Variants in OPHN1 observed in about 807,000 individuals in gnomAD.
The protein encoded by OPHN1 is oligophrenin-1.
Under a neutral mutation model 60.7 loss-of-function variants are expected in OPHN1, and 11 were observed. The ratio of observed to expected loss-of-function variants is 0.18; its 90% CI spans 0.11 to 0.30. OPHN1 has a LOEUF of 0.30. OPHN1 is among the 10% of genes least tolerant of loss of function. The pLI is 1.00. For synonymous variants in OPHN1, 226 were observed against 222.6 expected, an observed-to-expected ratio of 1.02 and a Z score of -0.14; for missense variants, 449 against 611.0, an observed-to-expected ratio of 0.73 and a Z score of 2.80.
At chrX:68,315,561 C>T (rs5965543) in intron 2 of OPHN1, among the ~76,000 whole-genome samples, 9,061 of 111,302 alleles carry the variant, frequency 0.081, 923 homozygotes, top group African/African-American at 0.28. Flanking sequence ...GTTCTAGCCA[C>T]AGCAATTTAA....
chrX:68,399,827 T>C (rs1180809388), intron 2 of OPHN1, among the ~76,000 whole-genome samples: 2 of 53,685 alleles, frequency 3.7e-5, no homozygotes, highest in Admixed American at 2.2e-4. Context: ...TTTTTTTTCT[T>C]TCTTTTTTTT....
intron 2 of OPHN1, among the ~76,000 whole-genome samples, chrX:68,400,916 T>C (rs1450298663): frequency 1.8e-5 from 2 of 111,548 alleles, no homozygotes; most frequent in Admixed American, 9.6e-5. Flanking sequence ...ATGTCTTTTG[T>C]TGTTGTTATT....
intron 6 of OPHN1, among the ~76,000 whole-genome samples, chrX:68,217,778 T>C (rs967327836): frequency 9.3e-6 from 1 of 107,363 alleles, no homozygotes; most frequent in Non-Finnish European, 1.9e-5. Flanking sequence ...AACCCATCTG[T>C]ACATCACCAT....
intron 2 of OPHN1, among the ~76,000 whole-genome samples, chrX:68,357,530 G>A (rs1275117519): frequency 9.2e-6 from 1 of 108,580 alleles, no homozygotes; most frequent in Non-Finnish European, 1.9e-5. Context: ...GCGATAGTTT[G>A]CTGAGAATGA....
chrX:68,278,915 A>T (rs182736568), intron 4 of OPHN1, among the ~76,000 whole-genome samples: 1,316 of 108,996 alleles, frequency 0.012, 18 homozygotes, highest in African/African-American at 0.041. Context: ...ATTTTTTTTT[A>T]AAAAAAGAGC....
rs1321332657 is a variant in OPHN1 at position 68,046,012 on chromosome X, C to T, written c.*1160G>A. The T allele has an allele frequency of 8.9e-6, 1 of 111,895 alleles. No homozygotes were observed. The highest frequency in any genetic ancestry group is 1.9e-5 in the Non-Finnish European group (1 of 53,191). 9.2% of individuals were successfully genotyped at this position (111,895 alleles called of 1,213,427 possible). On this transcript the variant is annotated 3_prime_UTR_variant, in exon 25 of 25. Coordinates refer to ENST00000355520, the MANE Select transcript of OPHN1 (RefSeq NM_002547.3). ...GACTAAATGATTTTGAAAAGCCCTT[C>T]CAATCAAGGGCTTATATGGATTGTA... is the stretch of plus-strand genomic sequence containing the variant.
intron 21 of OPHN1, among the ~76,000 whole-genome samples, chrX:68,060,566 AT>A (rs1181532937): frequency 2.0e-4 from 22 of 112,518 alleles, no homozygotes; most frequent in African/African-American, 6.8e-4. Context: ...GTTGACTGTC[AT>A]GGAAAAAAGC....
chrX:68,380,378 G>A (rs1383786717), intron 2 of OPHN1, among the ~76,000 whole-genome samples: 1 of 110,686 alleles, frequency 9.0e-6, no homozygotes, highest in Admixed American at 9.7e-5. Flanking sequence ...TTCAAAAAAC[G>A]AGCTCCTGTA....
At chrX:68,082,666 G>T in intron 19 of OPHN1, among the ~76,000 whole-genome samples, 1 of 112,243 alleles carries the variant, frequency 8.9e-6, no homozygotes, top group Non-Finnish European at 1.9e-5. Context: ...CTTAGGCTTT[G>T]TTGTTCCACA....
intron 16 of OPHN1, among the ~76,000 whole-genome samples, chrX:68,117,794 G>A (rs984014324): frequency 1.3e-4 from 14 of 111,568 alleles, no homozygotes; most frequent in African/African-American, 4.2e-4. Flanking sequence ...ACAGAACCAT[G>A]GATGAGAGTC....
intron 5 of OPHN1, among the ~76,000 whole-genome samples, chrX:68,272,922 T>A (rs945499151): frequency 8.9e-6 from 1 of 112,208 alleles, no homozygotes; most frequent in Non-Finnish European, 1.9e-5. Context: ...ATTTTAAATA[T>A]ACTTCTATTC....
chrX:68,312,511 T>C (rs1018560525), intron 2 of OPHN1, among the ~76,000 whole-genome samples: 9 of 110,836 alleles, frequency 8.1e-5, no homozygotes, highest in African/African-American at 3.0e-4. Context: ...ACGTATGGCA[T>C]GCAGTAAAAG....
rs1432747810 is a variant in OPHN1 at position 68,141,953 on chromosome X, AAAGAAAG to A, written c.1277-22628_1277-22622del. On this transcript the variant is annotated intron_variant, in intron 15 of 24. Coordinates refer to ENST00000355520, the MANE Select transcript of OPHN1 (RefSeq NM_002547.3). ...GAAAGAAAGAAAGAAAGAAAGAAAG[AAAGAAAG>A]AAGAGAGGCAAGAGCCAAGACGGAA... Among the ~76,000 whole-genome samples, 9 of 99,053 alleles carry A rather than the reference AAAGAAAG, an allele frequency of 9.1e-5. No individual in the cohort carries two copies. In the East Asian group the frequency reaches 2.6e-3, roughly 29 times the overall value. 86.0% of individuals were successfully genotyped at this position (99,053 alleles called of 115,157 possible).
At chrX:68,203,089 T>C (rs923996275) in intron 10 of OPHN1, among the ~76,000 whole-genome samples, 5 of 108,926 alleles carry the variant, frequency 4.6e-5, no homozygotes, top group Non-Finnish European at 9.5e-5. Flanking sequence ...CAAAACCCCG[T>C]CTCTACTAAA....
intron 15 of OPHN1, among the ~76,000 whole-genome samples, chrX:68,155,028 A>G (rs1161493564): frequency 9.0e-6 from 1 of 110,757 alleles, no homozygotes; most frequent in Non-Finnish European, 1.9e-5. Context: ...CACAGTTTTT[A>G]TTAGACAAGC....
At chrX:68,214,026 C>A in intron 6 of OPHN1, 54 bp from the exon 7 acceptor site, 1 of 725,685 alleles carries the variant, frequency 1.4e-6, no homozygotes, top group Non-Finnish European at 2.1e-6. Flanking sequence ...TCATGAAAGT[C>A]AGTACTTAAG....
chrX:68,366,033 G>A (rs1306352788), intron 2 of OPHN1, among the ~76,000 whole-genome samples: 4 of 108,365 alleles, frequency 3.7e-5, no homozygotes, highest in African/African-American at 1.0e-4. Context: ...CATTGCTGAC[G>A]AAAATCTAAC....
chrX:68,184,958 GCAA>G (rs973852078), intron 15 of OPHN1, among the ~76,000 whole-genome samples: 2 of 112,171 alleles, frequency 1.8e-5, no homozygotes, highest in Admixed American at 1.9e-4. Context: ...AAAGATGAAG[GCAA>G]CAACAAGAAG....
intron 2 of OPHN1, among the ~76,000 whole-genome samples, chrX:68,409,150 T>C (rs2078757802): frequency 8.9e-6 from 1 of 112,164 alleles, no homozygotes; most frequent in Non-Finnish European, 1.9e-5. Flanking sequence ...CAGAATAATC[T>C]TGTGAGGGGA....
Sources: allele counts gnomAD v4.1 joint callset (sites outside exome capture counted in the v4.1 genomes callset), GRCh38; gene constraint gnomAD v4.1.1; transcripts MANE v1.5; gene names NCBI Gene and HGNC (gene_info 2026-07-23, HGNC 2026-07-21).